Variants in AK5 observed in about 807,000 individuals in gnomAD.
AK5 encodes adenylate kinase isoenzyme 5.
Under a neutral mutation model 69.5 loss-of-function variants are expected in AK5, and 27 were observed. That is an observed-to-expected ratio of 0.39 (90% CI 0.29 to 0.54). The LOEUF (loss-of-function observed/expected upper bound fraction) is 0.54. AK5 is among the 20% of genes least tolerant of loss of function. The pLI is 0.71. For synonymous variants in AK5, 260 were observed against 244.4 expected (o/e 1.06, Z -0.60); for missense variants, 531 against 700.4 (o/e 0.76, Z 2.73).
intron 7 of AK5, among the ~76,000 whole-genome samples, chr1:77,415,094 ACT>A (rs773713367): frequency 6.6e-6 from 1 of 151,996 alleles, no homozygotes; most frequent in Non-Finnish European, 1.5e-5. Context: ...ACAGAGGGAG[ACT>A]CTGTCAAAAA....
At chr1:77,336,536 A>T (rs1353155940) in intron 5 of AK5, among the ~76,000 whole-genome samples, 2 of 152,086 alleles carry the variant, frequency 1.3e-5, no homozygotes, top group Admixed American at 1.3e-4. Flanking sequence ...TATCATCGTT[A>T]TTATTTTTGA....
At chr1:77,520,940 G>A (rs1165975502) in intron 11 of AK5, among the ~76,000 whole-genome samples, 1 of 152,124 alleles carries the variant, frequency 6.6e-6, no homozygotes, top group Admixed American at 6.5e-5. Context: ...GCAGCTGATT[G>A]CGTTTTTCCT....
At chr1:77,417,502 G>A (rs1471429987) in intron 7 of AK5, 137 bp from the exon 8 acceptor site, 1 of 627,946 alleles carries the variant, frequency 1.6e-6, no homozygotes, top group African/African-American at 1.9e-5. Context: ...CATTGTACCT[G>A]GCAGATGAGA....
intron 10 of AK5, among the ~76,000 whole-genome samples, chr1:77,493,996 T>C (rs1052027642): frequency 3.3e-5 from 5 of 152,222 alleles, no homozygotes; most frequent in Non-Finnish European, 7.3e-5. Flanking sequence ...GGGCTTATTA[T>C]GGTCAAAGAA....
chr1:77,330,575 C>T (rs897445948), intron 5 of AK5, among the ~76,000 whole-genome samples: 1 of 152,200 alleles, frequency 6.6e-6, no homozygotes, highest in Non-Finnish European at 1.5e-5. Flanking sequence ...GAATCTGTCT[C>T]TAGGTTCTCT....
intron 6 of AK5, among the ~76,000 whole-genome samples, chr1:77,369,472 T>C (rs1557536920): frequency 6.6e-6 from 1 of 152,206 alleles, no homozygotes. Flanking sequence ...AATACATACT[T>C]CTCTCTTGGA....
intron 10 of AK5, among the ~76,000 whole-genome samples, chr1:77,507,021 A>G (rs1250008393): frequency 6.6e-6 from 1 of 152,206 alleles, no homozygotes; most frequent in Non-Finnish European, 1.5e-5. Flanking sequence ...CACATAGTTA[A>G]TAAATAATGG....
At chr1:77,427,445 C>A (rs969062912) in intron 8 of AK5, among the ~76,000 whole-genome samples, 2 of 152,140 alleles carry the variant, frequency 1.3e-5, no homozygotes, top group East Asian at 3.9e-4. Context: ...CAAGAAGAAA[C>A]AAACTATCTG....
intron 2 of AK5, among the ~76,000 whole-genome samples, chr1:77,287,938 A>G (rs1658454444): frequency 6.6e-6 from 1 of 152,010 alleles, no homozygotes; most frequent in Non-Finnish European, 1.5e-5. Flanking sequence ...TTGTCTACCT[A>G]TTAAGCTAGG....
intron 6 of AK5, among the ~76,000 whole-genome samples, chr1:77,383,094 C>G (rs1441270662): frequency 6.6e-6 from 1 of 152,084 alleles, no homozygotes; most frequent in Non-Finnish European, 1.5e-5. Context: ...CAGAATGATT[C>G]AAAAACATCA....
intron 13 of AK5, among the ~76,000 whole-genome samples, chr1:77,549,477 A>G (rs950462608): frequency 1.3e-5 from 2 of 152,000 alleles, no homozygotes; most frequent in Non-Finnish European, 2.9e-5. Context: ...TCTTTTAGTT[A>G]TTTTTAAGTG....
chr1:77,307,756 G>A (rs540682961), intron 5 of AK5, among the ~76,000 whole-genome samples: 1 of 152,304 alleles, frequency 6.6e-6, no homozygotes, highest in African/African-American at 2.4e-5. Context: ...CACCCAGAGA[G>A]GCTCTCAGAA....
chr1:77,354,012 G>A (rs1662358079), intron 6 of AK5, among the ~76,000 whole-genome samples: 1 of 152,122 alleles, frequency 6.6e-6, no homozygotes, highest in African/African-American at 2.4e-5. Flanking sequence ...GGATGAACTT[G>A]ACACTCTGGA....
intron 6 of AK5, among the ~76,000 whole-genome samples, chr1:77,378,780 G>T (rs1167195711): frequency 1.3e-5 from 2 of 152,206 alleles, no homozygotes; most frequent in African/African-American, 2.4e-5. Context: ...AAGGTAACAA[G>T]AACTAAGGTT....
chr1:77,558,477 T>G (rs369913021), intron 13 of AK5, 125 bp from the exon 14 acceptor site: 3 of 513,226 alleles, frequency 5.8e-6, no homozygotes, highest in Admixed American at 3.7e-5. Context: ...CTCTGTGTTT[T>G]GGGGGGGGTC....
intron 8 of AK5, among the ~76,000 whole-genome samples, chr1:77,424,305 G>T (rs927753757): frequency 3.3e-5 from 5 of 152,296 alleles, no homozygotes; most frequent in Non-Finnish European, 1.5e-5. Flanking sequence ...GTGTTGCCCA[G>T]GTTGAAGTGC....
chr1:77,364,615 A>C (rs542558435), intron 6 of AK5, among the ~76,000 whole-genome samples: 3 of 152,088 alleles, frequency 2.0e-5, no homozygotes, highest in Non-Finnish European at 4.4e-5. Context: ...GAGTGAGACC[A>C]TGTAGTGTTT....
intron 10 of AK5, among the ~76,000 whole-genome samples, chr1:77,504,445 T>A (rs1313259745): frequency 2.7e-5 from 4 of 148,370 alleles, no homozygotes; most frequent in Non-Finnish European, 6.0e-5. Context: ...ATATATATTT[T>A]TTTTAATATA....
chr1:77,556,406 T>G (rs564161121), intron 13 of AK5, among the ~76,000 whole-genome samples: 78 of 152,386 alleles, frequency 5.1e-4, no homozygotes, highest in African/African-American at 1.8e-3. Flanking sequence ...GTATTCATAT[T>G]CTTGAGACTG....
Sources: gnomAD v4.1 joint callset for allele counts (sites outside exome capture counted in the v4.1 genomes callset) on GRCh38, gnomAD v4.1.1 for gene constraint, MANE v1.5 for transcripts, NCBI Gene and HGNC (gene_info 2026-07-23, HGNC 2026-07-21) for gene names.